Variants in TJP2 observed in about 807,000 individuals in gnomAD.
TJP2 encodes Friedreich ataxia region gene X104 (tight junction protein ZO-2).
A neutral mutation model predicts 133.1 loss-of-function variants in TJP2; 91 were observed. That is an observed-to-expected ratio of 0.68 (90% CI 0.58 to 0.81). TJP2 has a LOEUF of 0.81. Among genes scored for constraint, TJP2 ranks in the 40% least tolerant of loss-of-function variants. The pLI is 0.00. For synonymous variants in TJP2, 592 were observed against 583.4 expected, an observed-to-expected ratio of 1.01 and a Z score of -0.21; for missense variants, 1,541 against 1,565.6, an observed-to-expected ratio of 0.98 and a Z score of 0.26.
chr9:69,254,911 T>A lies in TJP2; in HGVS notation c.*537T>A. ...AATGGACTAAAACATTTTGACTAAG[T>A]TTTTATACCAGCTTAATAGCTGTAG... On this transcript the variant is annotated 3_prime_UTR_variant, in exon 23 of 23. Coordinates refer to ENST00000377245, the MANE Select transcript of TJP2 (RefSeq NM_004817.4). 5.5e-6 allele frequency: 2 copies of A among 361,376 alleles called. No homozygotes were observed. Among genetic ancestry groups the A allele is most frequent in the Non-Finnish European group, 9.9e-6 (2 of 201,486 alleles). The allele number at this position is 361,376 out of a possible 1,614,324, so 22.4% of individuals were successfully genotyped here. A position where few individuals can be genotyped will look rare whatever the true frequency, so the allele number is the denominator to read the frequency against.
Position 69,139,105 on chromosome 9 carries a change from TGCTGGGGAG to T in TJP2, c.-130-12541_-130-12533del, listed in dbSNP as rs150196040. ...GGTGGCTCACACCTGTAATCCCAGC[TGCTGGGGAG>T]GCTGAGGTGGGAGAATCGCTTGAAC... On this transcript the variant is annotated intron_variant, in intron 1 of 5. Transcript: ENST00000423935. Among the ~76,000 whole-genome samples the T allele has an allele frequency of 6.2e-4, 94 of 151,966 alleles. No individual in the cohort carries two copies. The East Asian group carries it at 0.016, about 27-fold the overall frequency.
At chr9:69,162,180 T>G (rs1044211865) in intron 2 of TJP2, among the ~76,000 whole-genome samples, 2 of 148,246 alleles carry the variant, frequency 1.3e-5, no homozygotes, top group Non-Finnish European at 3.0e-5. Context: ...ACATAAAGTA[T>G]AATTTTGTAT....
intron 5 of TJP2, among the ~76,000 whole-genome samples, chr9:69,223,654 GA>G (rs1829096292): frequency 1.2e-5 from 1 of 81,508 alleles, no homozygotes; most frequent in Admixed American, 1.1e-4. Flanking sequence ...AAAAATGCCA[GA>G]GAGATGTTAT....
intron 5 of TJP2, among the ~76,000 whole-genome samples, chr9:69,223,215 T>C (rs1362072112): frequency 6.6e-6 from 1 of 152,208 alleles, no homozygotes; most frequent in Non-Finnish European, 1.5e-5. Flanking sequence ...GAGTTTCTGC[T>C]CTATGCAAGG....
chr9:69,205,250 G>A (rs1420464632), intron 1 of TJP2: 2 of 1,537,272 alleles, frequency 1.3e-6, no homozygotes, highest in Non-Finnish European at 1.7e-6. Flanking sequence ...CCCTCTGCAA[G>A]CTCTCCCCTT....
chr9:69,152,584 C>G (rs1823525886), intron 2 of TJP2, among the ~76,000 whole-genome samples: 1 of 152,018 alleles, frequency 6.6e-6, no homozygotes, highest in African/African-American at 2.4e-5. Flanking sequence ...ATTGTGTGAT[C>G]TTGGGCACAT....
At chr9:69,248,943 ATTTT>A in intron 19 of TJP2, 1 of 977,362 alleles carries the variant, frequency 1.0e-6, no homozygotes, top group African/African-American at 1.9e-5. Flanking sequence ...CCAGTAAATG[ATTTT>A]TTTCTTTATG....
rs762001932 is a variant in TJP2 at position 69,227,872 on chromosome 9, A to G, written c.1318A>G (p.Ser440Gly). The G allele has an allele frequency of 6.8e-6, 11 of 1,613,314 alleles. No individual in the cohort carries two copies. The highest frequency in any genetic ancestry group is 1.1e-5 in the South Asian group (1 of 91,060). Residue 440 changes from serine to glycine, a missense_variant and splice_region_variant, in exon 8 of 23, where the codon AGT becomes GGT. Transcript: ENST00000377245. ...SSSEKLKERPSSREDTPSRLS... is the reference protein window; with the variant it reads ...SSSEKLKERPGSREDTPSRLS... ...AAGTGAGAAGCTGAAGGAAAGGCCAAGGTAAGATGACATGAATATTCTCTT... is the reference window on the plus strand; with the variant it reads ...AAGTGAGAAGCTGAAGGAAAGGCCAGGGTAAGATGACATGAATATTCTCTT...
In TJP2 at chr9:69,249,443, G is replaced by T. The variant is rs765580319; in HGVS notation, c.2949G>T (p.Arg983Ser). 1.9e-6 allele frequency: 3 copies of T among 1,611,190 alleles called. No homozygotes were observed. The highest frequency in any genetic ancestry group is 2.5e-6 in the Non-Finnish European group (3 of 1,178,518). The change falls in exon 20 of 23, where the codon AGG (arginine) becomes AGT (serine). Residue 983 changes from arginine (R) to serine (S), a missense_variant. Transcript: ENST00000377245. The part of the protein sequence containing the change: ...MRRAASSDQL[R>S]DNSPPPAFKP... ...GGGCTGCTAGCAGCGATCAACTTAG[G>T]GACAATAGCCCGCCCCCAGCATTCA... is the stretch of plus-strand genomic sequence containing the variant.
intron 2 of TJP2, among the ~76,000 whole-genome samples, chr9:69,161,145 C>T (rs1824046250): frequency 6.6e-6 from 1 of 152,148 alleles, no homozygotes; most frequent in Non-Finnish European, 1.5e-5. Flanking sequence ...TATCTGAAGT[C>T]AGCACATGCG....
At chr9:69,231,107 GTTTTTTTTGT>G (rs1173695611) in intron 11 of TJP2, among the ~76,000 whole-genome samples, 3 of 124,794 alleles carry the variant, frequency 2.4e-5, no homozygotes, top group Non-Finnish European at 5.1e-5. Context: ...CTAGGGAACT[GTTTTTTTTGT>G]TTTTTTTTGT....
intron 2 of TJP2, among the ~76,000 whole-genome samples, chr9:69,154,175 C>T (rs1823622873): frequency 6.6e-6 from 1 of 152,224 alleles, no homozygotes; most frequent in South Asian, 2.1e-4. Context: ...ACTAATTCTA[C>T]AGAGCTTGAA....
intron 11 of TJP2, among the ~76,000 whole-genome samples, chr9:69,230,980 A>T (rs1829730249): frequency 1.3e-5 from 2 of 152,154 alleles, no homozygotes; most frequent in Non-Finnish European, 2.9e-5. Flanking sequence ...TTAAGGAATT[A>T]AAAAATAACT....
chr9:69,147,081 C>G (rs1823245331), intron 1 of TJP2, among the ~76,000 whole-genome samples: 1 of 152,158 alleles, frequency 6.6e-6, no homozygotes, highest in African/African-American at 2.4e-5. Flanking sequence ...AGGGGGCATA[C>G]AGAGACTCTA....
intron 1 of TJP2, among the ~76,000 whole-genome samples, chr9:69,139,005 G>C (rs965538136): frequency 6.6e-6 from 1 of 152,158 alleles, no homozygotes; most frequent in African/African-American, 2.4e-5. Flanking sequence ...CCTGAGGTCA[G>C]GAGTTCGAGA....
At chr9:69,238,574 T>G (rs1490818900) in intron 15 of TJP2, 136 bp from the exon 16 acceptor site, 2 of 741,288 alleles carry the variant, frequency 2.7e-6, no homozygotes, top group Non-Finnish European at 4.8e-6. Context: ...AAGCAGGTTA[T>G]GTGGGTCCTT....
intron 1 of TJP2, among the ~76,000 whole-genome samples, chr9:69,210,299 C>CAA (rs3067182): frequency 0.17 from 4,855 of 27,990 alleles, 539 homozygotes; most frequent in Middle Eastern, 0.29. Context: ...CCCCCCCCCC[C>CAA]AAAAAAAAAA....
intron 1 of TJP2, among the ~76,000 whole-genome samples, chr9:69,136,369 TA>T: frequency 6.6e-6 from 1 of 152,218 alleles, no homozygotes; most frequent in South Asian, 2.1e-4. Context: ...AAAAAATGAA[TA>T]AATAATGAGC....
At chr9:69,233,825 G>A (rs1325066615) in intron 11 of TJP2, among the ~76,000 whole-genome samples, 1 of 151,388 alleles carries the variant, frequency 6.6e-6, no homozygotes, top group Non-Finnish European at 1.5e-5. Context: ...CTTGTTCTTT[G>A]TGCTACATTT....
Sources: allele counts gnomAD v4.1 joint callset (sites outside exome capture counted in the v4.1 genomes callset), GRCh38; gene constraint gnomAD v4.1.1; transcripts MANE v1.5; gene names NCBI Gene and HGNC (gene_info 2026-07-23, HGNC 2026-07-21).